SNTB2: variants seen among roughly 807,000 people sequenced by gnomAD.
SNTB2 encodes syntrophin beta 2.
SNTB2 carries 34 observed loss-of-function variants against 46.2 expected under a neutral mutation model. The ratio of observed to expected loss-of-function variants is 0.74; its 90% CI spans 0.56 to 0.98. The LOEUF (loss-of-function observed/expected upper bound fraction) is 0.98, where lower values mean the gene tolerates loss of function less well. SNTB2 is among the 50% of genes least tolerant of loss of function. SNTB2 has a pLI of 0.00. For missense variants in SNTB2, 603 were observed against 731.4 expected, an observed-to-expected ratio of 0.82 and a Z score of 2.02; for synonymous variants, 290 against 312.6, an observed-to-expected ratio of 0.93 and a Z score of 0.76.
intron 5 of SNTB2, among the ~76,000 whole-genome samples, chr16:69,285,831 C>T (rs11649564): frequency 0.15 from 22,009 of 151,426 alleles, 1,773 homozygotes; most frequent in Middle Eastern, 0.23. Context: ...CTCACTCTGT[C>T]GCCCAGGCTG....
At chr16:69,277,603 G>GAACC (rs1964995168) in intron 4 of SNTB2, among the ~76,000 whole-genome samples, 1 of 151,822 alleles carries the variant, frequency 6.6e-6, no homozygotes, top group Non-Finnish European at 1.5e-5. Flanking sequence ...GGCTATCCAC[G>GAACC]TAATGTGAAT....
intron 1 of SNTB2, chr16:69,191,232 A>G (rs1476168773): frequency 3.4e-5 from 5 of 149,056 alleles, no homozygotes; most frequent in Non-Finnish European, 6.0e-5. Context: ...AAAAAAAAAA[A>G]AAGAAAGAAA....
chr16:69,249,992 G>A (rs553856456), intron 2 of SNTB2, among the ~76,000 whole-genome samples: 2 of 152,150 alleles, frequency 1.3e-5, no homozygotes, highest in African/African-American at 2.4e-5. Flanking sequence ...CCAGCTATTC[G>A]GGAGGCTGAG....
At chr16:69,220,071 G>A (rs193222863) in intron 1 of SNTB2, among the ~76,000 whole-genome samples, 6 of 151,278 alleles carry the variant, frequency 4.0e-5, no homozygotes, top group African/African-American at 9.7e-5. Flanking sequence ...ATTTTTAAGC[G>A]AAGGTACCCA....
intron 1 of SNTB2, chr16:69,235,769 G>A: frequency 7.8e-7 from 1 of 1,289,310 alleles, no homozygotes; most frequent in Non-Finnish European, 1.0e-6. Context: ...GGAAATTTCT[G>A]TCTGACCAAT....
intron 3 of SNTB2, among the ~76,000 whole-genome samples, chr16:69,269,165 G>A (rs772257990): frequency 2.0e-5 from 3 of 151,196 alleles, no homozygotes; most frequent in African/African-American, 4.9e-5. Flanking sequence ...GCGAAACTCC[G>A]TCTCAAAAAG....
chr16:69,260,466 G>A (rs1964824635), intron 3 of SNTB2, among the ~76,000 whole-genome samples: 1 of 152,108 alleles, frequency 6.6e-6, no homozygotes, highest in South Asian at 2.1e-4. Flanking sequence ...TCAACCAGAA[G>A]TAGCTGACAT....
intron 1 of SNTB2, among the ~76,000 whole-genome samples, chr16:69,202,187 C>T (rs564756627): frequency 3.3e-5 from 5 of 152,302 alleles, no homozygotes; most frequent in African/African-American, 1.2e-4. Context: ...CTGGCCCTGT[C>T]TCCTCTGTTC....
At chr16:69,259,990 C>A in intron 2 of SNTB2, 60 bp from the exon 3 acceptor site, 1 of 1,214,426 alleles carries the variant, frequency 8.2e-7, no homozygotes, top group Non-Finnish European at 1.2e-6. Flanking sequence ...GTATTTTAAA[C>A]CTGGCAGGTT....
chr16:69,245,238 G>T (rs867065549), intron 1 of SNTB2, among the ~76,000 whole-genome samples: 1 of 151,870 alleles, frequency 6.6e-6, no homozygotes, highest in African/African-American at 2.4e-5. Flanking sequence ...TTGCTCTGTC[G>T]CCCAGGCTGG....
chr16:69,286,771 G>A (rs1464613999), intron 5 of SNTB2, among the ~76,000 whole-genome samples: 1 of 151,820 alleles, frequency 6.6e-6, no homozygotes, highest in Non-Finnish European at 1.5e-5. Context: ...CTGCTCAGGT[G>A]GCTAAGGTAG....
chr16:69,228,076 A>G (rs922437887), intron 1 of SNTB2, among the ~76,000 whole-genome samples: 1 of 152,120 alleles, frequency 6.6e-6, no homozygotes. Flanking sequence ...GATATAGTAC[A>G]TAATAAGCTC....
chr16:69,276,096 A>T (rs982895252), intron 4 of SNTB2, among the ~76,000 whole-genome samples: 2 of 152,200 alleles, frequency 1.3e-5, no homozygotes, highest in Non-Finnish European at 2.9e-5. Flanking sequence ...AGCCAGATAC[A>T]TGACACAGGT....
chr16:69,238,484 A>T (rs1438985594), intron 1 of SNTB2, among the ~76,000 whole-genome samples: 1 of 152,150 alleles, frequency 6.6e-6, no homozygotes, highest in Non-Finnish European at 1.5e-5. Context: ...ATCCTGACTG[A>T]TACAGTGATC....
chr16:69,223,064 C>A (rs973990426), intron 1 of SNTB2, among the ~76,000 whole-genome samples: 1 of 151,994 alleles, frequency 6.6e-6, no homozygotes, highest in Non-Finnish European at 1.5e-5. Context: ...TGAGCCACTG[C>A]GCCCAGCCGT....
chr16:69,224,786 G>T (rs1043056056), intron 1 of SNTB2, among the ~76,000 whole-genome samples: 1 of 151,998 alleles, frequency 6.6e-6, no homozygotes, highest in Non-Finnish European at 1.5e-5. Context: ...TATTCTGTGG[G>T]TTATAATCCT....
In SNTB2 at chr16:69,306,252, T is replaced by G. The variant is rs1365676082; in HGVS notation, c.*5328T>G. 6.6e-6 allele frequency: 1 copy of G among 152,180 alleles called. No individual in the cohort carries two copies. Among genetic ancestry groups the G allele is most frequent in the Non-Finnish European group, 1.5e-5 (1 of 68,022 alleles). The allele number at this position is 152,180 out of a possible 1,614,324, so 9.4% of individuals were successfully genotyped here. A position where few individuals can be genotyped will look rare whatever the true frequency, so the allele number is the denominator to read the frequency against. The stretch of plus-strand genomic sequence containing the variant: ...TTGTTTTTGGTTTTGGTTTTGTTTT[T>G]TTTTGTCTCTCTGACTAGCTAAACT... On this transcript the variant is annotated 3_prime_UTR_variant, in exon 7 of 7. Transcript: ENST00000336278.
At chr16:69,227,072 C>G (rs1454243176) in intron 1 of SNTB2, among the ~76,000 whole-genome samples, 9 of 152,146 alleles carry the variant, frequency 5.9e-5, no homozygotes. Flanking sequence ...TGGGGCTGAC[C>G]AAGGGCCTTT....
Position 69,232,039 on chromosome 16 carries a change from G to A in SNTB2, c.581-13563G>A, listed in dbSNP as rs905593279. On this transcript the variant is annotated intron_variant, in intron 1 of 6. Coordinates refer to ENST00000336278, the MANE Select transcript of SNTB2 (RefSeq NM_006750.4). ...TAGTCTAAAGCCCCAAATTATTTCA[G>A]TCTTGCTTGTTATTCTACATTTCTA... is the stretch of plus-strand genomic sequence containing the variant. 4.6e-5 allele frequency among the ~76,000 whole-genome samples: 7 copies of A among 151,986 alleles called. No individual in the cohort carries two copies. The East Asian group carries it at 1.3e-3, about 29-fold the overall frequency.
Sources: gnomAD v4.1 joint callset for allele counts (sites outside exome capture counted in the v4.1 genomes callset) on GRCh38, gnomAD v4.1.1 for gene constraint, MANE v1.5 for transcripts, NCBI Gene and HGNC (gene_info 2026-07-23, HGNC 2026-07-21) for gene names.